Variants in ZNF517 observed in about 807,000 individuals in gnomAD.
The protein encoded by ZNF517 is zinc finger protein 517.
A neutral mutation model predicts 12.1 loss-of-function variants in ZNF517; 12 were observed. The ratio of observed to expected loss-of-function variants is 0.99; its 90% confidence interval spans 0.63 to 1.61. ZNF517 has a LOEUF of 1.61. Ranked by LOEUF, ZNF517 falls within the 40% of genes most tolerant of loss-of-function variation. The probability of loss-of-function intolerance (pLI) is 0.00; values close to 1 mark genes in which losing one functional copy is unlikely to be tolerated. For synonymous variants in ZNF517, 388 were observed against 310.2 expected, an observed-to-expected ratio of 1.25 and a Z score of -2.63; for missense variants, 781 against 693.2, an observed-to-expected ratio of 1.13 and a Z score of -1.42.
Position 144,804,149 on chromosome 8 carries a change from T to C in ZNF517, c.185T>C (p.Leu62Pro), listed in dbSNP as rs1325097440. 8 of 1,614,164 alleles carry C rather than the reference T, an allele frequency of 5.0e-6. No homozygotes were observed. The South Asian group carries it at 8.8e-5, about 18-fold the overall frequency. The change falls in exon 4 of 5, where the codon CTG becomes CCG. Residue 62 changes from leucine (L) to proline (P), a missense_variant. By Grantham distance (98) the Leu-to-Pro change is moderately conservative. Transcript: ENST00000359971. ...GGCTTTCTTGTTGCCAAACCAGCAC[T>C]GATCTCCCTATTGGAGCAAGGAGAG... ...SLGFLVAKPA[L>P]ISLLEQGEEP...
At position 144,808,196 on chromosome 8, in the gene ZNF517, C is replaced by CCGAGTG; in HGVS notation, c.1283_1288dup (p.Glu428_Cys429dup). The stretch of plus-strand genomic sequence containing the variant: ...ACCAAGGAGAAGCCCTTCGCGTGCA[C>CCGAGTG]CGAGTGCGGCAAGGCGTTCCGCAGG... On this transcript the variant is annotated inframe_insertion, in exon 5 of 5. Coordinates refer to ENST00000359971, the MANE Select transcript of ZNF517 (RefSeq NM_213605.3). The CCGAGTG allele has an allele frequency of 6.2e-7, 1 of 1,604,734 alleles. No homozygotes were observed. Among genetic ancestry groups the CCGAGTG allele is most frequent in the South Asian group, 1.1e-5 (1 of 89,910 alleles).
chr8:144,811,018 C>T (rs1307111775), downstream of ZNF517: 1 of 152,198 alleles, frequency 6.6e-6, no homozygotes, highest in African/African-American at 2.4e-5. Flanking sequence ...CAGGTACCTC[C>T]AACAGCCTGG....
In ZNF517 at chr8:144,803,976, C is replaced by T. The variant is rs914811242; in HGVS notation, c.161-149C>T. On this transcript the variant is annotated intron_variant, in intron 3 of 4. Transcript: ENST00000359971. ...TCTCCTGGGGCAGGCCCCCCATCTC[C>T]CCCTGGCCACCTAGCTGCCCCCTTC... is the stretch of plus-strand genomic sequence containing the variant. 4.7e-6 allele frequency: 5 copies of T among 1,056,204 alleles called. No homozygotes were observed. The African/African-American group carries it at 8.0e-5, about 17-fold the overall frequency. 65.4% of individuals were successfully genotyped at this position (1,056,204 alleles called of 1,614,324 possible).
rs779536524 is a variant in ZNF517, at chr8:144,801,327, G to A, written c.-45-1543G>A. ...CCTACTCTGTATACGTCTGCTTAGAGCAAAATTATTGTTTTGTTTTGTTTG... is the reference window on the plus strand; with the variant it reads ...CCTACTCTGTATACGTCTGCTTAGAACAAAATTATTGTTTTGTTTTGTTTG... On this transcript the variant is annotated intron_variant, in intron 1 of 4. Coordinates refer to ENST00000359971, the MANE Select transcript of ZNF517 (RefSeq NM_213605.3). Among the ~76,000 whole-genome samples the A allele has an allele frequency of 1.2e-3, 183 of 151,740 alleles. 3 individuals are homozygous for A. Among genetic ancestry groups the A allele is most frequent in the Admixed American group, 7.9e-4 (12 of 15,252 alleles).
rs368738889 is a variant in ZNF517, at chr8:144,808,170, C to T, written c.1254C>T (p.His418=). The change falls in exon 5 of 5, where the codon CAC becomes CAT. Residue 418 remains histidine, a synonymous_variant. Coordinates refer to ENST00000359971, the MANE Select transcript of ZNF517 (RefSeq NM_213605.3). ...KSNLTLHQKI[H]TKEKPFACTE... The stretch of plus-strand genomic sequence containing the variant: ...ACCTCACTCTGCACCAGAAGATCCA[C>T]ACCAAGGAGAAGCCCTTCGCGTGCA... 63 of 1,611,002 alleles carry T rather than the reference C, an allele frequency of 3.9e-5. No homozygotes were observed. Among genetic ancestry groups the T allele is most frequent in the Middle Eastern group, 1.6e-4 (1 of 6,078 alleles).
chr8:144,805,048 T>C (rs1001102492), intron 4 of ZNF517, among the ~76,000 whole-genome samples: 4 of 152,032 alleles, frequency 2.6e-5, no homozygotes, highest in African/African-American at 9.7e-5. Context: ...TGGAGCAGAG[T>C]CTTCTCTAAC....
At chr8:144,810,618 G>A, downstream of ZNF517, 1 of 191,128 alleles carries the variant, frequency 5.2e-6, no homozygotes. Context: ...GCTGTGCCAC[G>A]ATCCCTTCCA....
intron 1 of ZNF517, chr8:144,800,736 C>T: frequency 5.1e-6 from 5 of 976,656 alleles, no homozygotes; most frequent in South Asian, 4.7e-5. Flanking sequence ...CTGTCTGATC[C>T]ACCCCCATCG....
At position 144,803,686 on chromosome 8, in the gene ZNF517, G is replaced by A. The variant is rs766443834; in HGVS notation, c.79G>A (p.Glu27Lys). The A allele has an allele frequency of 1.2e-6, 2 of 1,614,066 alleles. No individual in the cohort carries two copies. Among genetic ancestry groups the A allele is most frequent in the Non-Finnish European group, 1.7e-6 (2 of 1,180,018 alleles). ...TGTGGCTGTGTACTTCACAAGGATA[G>A]AGTGGAGTTGCCTGGCCCCCGACCA... ...EDVAVYFTRI[E>K]WSCLAPDQQA... Residue 27 changes from glutamate (E) to lysine (K), a missense_variant, in exon 3 of 5, where the codon GAG (glutamate) becomes AAG (lysine). By Grantham distance (56) the Glu-to-Lys change is moderately conservative. Coordinates refer to ENST00000359971, the MANE Select transcript of ZNF517 (RefSeq NM_213605.3).
chr8:144,806,639 C>G, intron 4 of ZNF517, among the ~76,000 whole-genome samples: 1 of 151,666 alleles, frequency 6.6e-6, no homozygotes, highest in Non-Finnish European at 1.5e-5. Flanking sequence ...CGCTCGCCAC[C>G]GCACACAGAT....
At position 144,802,811 on chromosome 8, in the gene ZNF517, G is replaced by C. The variant is rs552720201; in HGVS notation, c.-45-59G>C. 144 of 1,598,996 alleles carry C rather than the reference G, an allele frequency of 9.0e-5. No individual in the cohort carries two copies. The African/African-American group carries it at 1.3e-3, about 15-fold the overall frequency. ...CCTTCTGGATCTGGAGGGGCCTTCT[G>C]GGGGGCTGGAGGGCCTTAGGCCTGG... On this transcript the variant is annotated intron_variant, in intron 1 of 4. Coordinates refer to ENST00000359971, the MANE Select transcript of ZNF517 (RefSeq NM_213605.3).
rs770681293 is a variant in ZNF517, at chr8:144,807,690, G to A, written c.774G>A (p.Glu258=). Reference sequence around the variant, plus strand: ...CCCACCACCGCGTCCACACCCGCGAGCGGCCCTACGCATGCGGCGAGTGCG... The same window carrying A: ...CCCACCACCGCGTCCACACCCGCGAACGGCCCTACGCATGCGGCGAGTGCG... ...LAAHHRVHTR[E]RPYACGECGK... The change falls in exon 5 of 5, where the codon GAG becomes GAA. Residue 258 remains glutamate (E), a synonymous_variant. Coordinates refer to ENST00000359971, the MANE Select transcript of ZNF517 (RefSeq NM_213605.3). 2 of 1,610,346 alleles carry A rather than the reference G, an allele frequency of 1.2e-6. No individual in the cohort carries two copies. The highest frequency in any genetic ancestry group is 1.7e-6 in the Non-Finnish European group (2 of 1,179,236).
intron 1 of ZNF517, among the ~76,000 whole-genome samples, chr8:144,801,055 C>T (rs1826934737): frequency 6.6e-6 from 1 of 152,154 alleles, no homozygotes; most frequent in African/African-American, 2.4e-5. Context: ...TCACGAACTC[C>T]TGACTTCAAA....
chr8:144,813,397 G>GTC (rs755590261), downstream of ZNF517, among the ~76,000 whole-genome samples: 245 of 151,458 alleles, frequency 1.6e-3, no homozygotes, highest in Non-Finnish European at 2.7e-3. Flanking sequence ...TGATGAATAG[G>GTC]TCACACACAC....
At chr8:144,802,600 G>A (rs1827021513) in intron 1 of ZNF517, among the ~76,000 whole-genome samples, 1 of 152,180 alleles carries the variant, frequency 6.6e-6, no homozygotes, top group African/African-American at 2.4e-5. Flanking sequence ...CGAGGATAAG[G>A]AATTCCCAGG....
intron 1 of ZNF517, chr8:144,800,670 C>T: frequency 2.0e-6 from 2 of 985,296 alleles, no homozygotes; most frequent in Non-Finnish European, 2.4e-6. Flanking sequence ...GTGGTGTGGC[C>T]CTGCTCTTCC....
Position 144,807,712 on chromosome 8 carries a change from T to G in ZNF517, c.796T>G (p.Cys266Gly). ...CGAGCGGCCCTACGCATGCGGCGAG[T>G]GCGGCAAGGCCTTCAGCCGCAGCTC... Reference protein sequence around the residue: ...TRERPYACGECGKAFSRSSRL... With the variant: ...TRERPYACGEGGKAFSRSSRL... Residue 266 changes from cysteine to glycine, a missense_variant, in exon 5 of 5, where the codon TGC (cysteine) becomes GGC (glycine). Cys to Gly is a radical substitution (Grantham distance 159). Coordinates refer to ENST00000359971, the MANE Select transcript of ZNF517 (RefSeq NM_213605.3). The G allele has an allele frequency of 6.2e-7, 1 of 1,611,548 alleles. No homozygotes were observed. Among genetic ancestry groups the G allele is most frequent in the Non-Finnish European group, 8.5e-7 (1 of 1,179,404 alleles).
chr8:144,799,576 A>G (rs1255977835), intron 1 of ZNF517, among the ~76,000 whole-genome samples: 2 of 152,206 alleles, frequency 1.3e-5, no homozygotes, highest in Non-Finnish European at 2.9e-5. Context: ...CGCACAGAAT[A>G]AACCAAGGAA....
At chr8:144,811,258 C>G (rs1382064794), downstream of ZNF517, 1 of 152,414 alleles carries the variant, frequency 6.6e-6, no homozygotes, top group East Asian at 1.9e-4. Flanking sequence ...CCCTGCTCAC[C>G]TTCCCCAACC....
Sources: gnomAD v4.1 joint callset for allele counts (sites outside exome capture counted in the v4.1 genomes callset) on GRCh38, gnomAD v4.1.1 for gene constraint, MANE v1.5 for transcripts, NCBI Gene and HGNC (gene_info 2026-07-23, HGNC 2026-07-21) for gene names.